Variants in ARMC1 observed in about 807,000 individuals in gnomAD.
The protein encoded by ARMC1 is armadillo repeat containing 1, also known as armadillo repeat-containing protein 1.
A neutral mutation model predicts 31.4 loss-of-function variants in ARMC1; 16 were observed. The observed-to-expected ratio is 0.51, with a 90% CI of 0.34 to 0.77. The LOEUF is 0.77. Among genes scored for constraint, ARMC1 ranks in the 30% least tolerant of loss-of-function variants. The pLI, the probability that ARMC1 is intolerant of heterozygous loss-of-function variation, is 0.01. For missense variants in ARMC1, 259 were observed against 347.5 expected, an observed-to-expected ratio of 0.75 and a Z score of 2.02; for synonymous variants, 114 against 118.9, an observed-to-expected ratio of 0.96 and a Z score of 0.27.
At chr8:65,617,976 C>T (rs1350494138) in intron 3 of ARMC1, among the ~76,000 whole-genome samples, 4 of 151,900 alleles carry the variant, frequency 2.6e-5, no homozygotes, top group Admixed American at 1.3e-4. Flanking sequence ...AGTGCAGTGG[C>T]GCAATCTTGG....
chr8:65,618,019 G>A (rs1482540689), intron 3 of ARMC1, among the ~76,000 whole-genome samples: 1 of 151,938 alleles, frequency 6.6e-6, no homozygotes, highest in Non-Finnish European at 1.5e-5. Flanking sequence ...GGGTTCAAGC[G>A]ATTTTCCTGT....
At chr8:65,625,394 T>C (rs1380046044) in intron 2 of ARMC1, among the ~76,000 whole-genome samples, 2 of 152,184 alleles carry the variant, frequency 1.3e-5, no homozygotes, top group Non-Finnish European at 2.9e-5. Context: ...CGATTCAGTA[T>C]TACCAAACTA....
chr8:65,619,625 T>C (rs1213345189), intron 3 of ARMC1, among the ~76,000 whole-genome samples: 1 of 151,640 alleles, frequency 6.6e-6, no homozygotes, highest in African/African-American at 2.4e-5. Flanking sequence ...GATAGGAGGA[T>C]CACTTGAGTC....
intron 2 of ARMC1, among the ~76,000 whole-genome samples, chr8:65,626,563 T>C (rs1808515504): frequency 6.6e-6 from 1 of 152,086 alleles, no homozygotes. Context: ...GTGAATTATA[T>C]GATGCTGTGT....
intron 3 of ARMC1, among the ~76,000 whole-genome samples, chr8:65,615,459 C>G (rs1808229361): frequency 6.7e-6 from 1 of 149,710 alleles, no homozygotes; most frequent in Non-Finnish European, 1.5e-5. Context: ...AATTCCAACA[C>G]TTTGTGAGGC....
Position 65,603,633 on chromosome 8 carries a change from GAT to G in ARMC1, c.*759_*760del, listed in dbSNP as rs1006711336. Reference sequence around the variant, plus strand: ...ATGATCACATTAACTCTCAAGAATTGATATAAGCCAAAGTGAAAAGAAGTCAA... The same window carrying G: ...ATGATCACATTAACTCTCAAGAATTGATAAGCCAAAGTGAAAAGAAGTCAA... On this transcript the variant is annotated 3_prime_UTR_variant, in exon 7 of 7. Coordinates refer to ENST00000276569, the MANE Select transcript of ARMC1 (RefSeq NM_018120.6). 1.3e-5 allele frequency: 2 copies of G among 152,102 alleles called. No homozygotes were observed. Among genetic ancestry groups the G allele is most frequent in the Non-Finnish European group, 2.9e-5 (2 of 68,012 alleles). The allele number at this position is 152,102 out of a possible 1,614,324, so 9.4% of individuals were successfully genotyped here.
chr8:65,628,391 ATTTTTTT>A (rs763494218), intron 1 of ARMC1, among the ~76,000 whole-genome samples: 1 of 78,810 alleles, frequency 1.3e-5, no homozygotes, highest in Non-Finnish European at 2.4e-5. Context: ...CGCCCGGCTA[ATTTTTTT>A]TTTTTTTTTT....
chr8:65,632,214 G>C (rs1285187516), intron 1 of ARMC1, among the ~76,000 whole-genome samples: 1 of 152,124 alleles, frequency 6.6e-6, no homozygotes, highest in African/African-American at 2.4e-5. Flanking sequence ...CCAGGGGGGT[G>C]GATCTCTTGA....
At chr8:65,632,918 T>C (rs553940056) in intron 1 of ARMC1, 1 of 152,390 alleles carries the variant, frequency 6.6e-6, no homozygotes, top group Non-Finnish European at 1.5e-5. Context: ...TCTTGTTTAG[T>C]TCAACTTGGA....
At chr8:65,610,050 G>A (rs1808097412) in intron 4 of ARMC1, among the ~76,000 whole-genome samples, 1 of 152,068 alleles carries the variant, frequency 6.6e-6, no homozygotes, top group East Asian at 1.9e-4. Flanking sequence ...GATTAACAGG[G>A]ACCAGATTTA....
rs753201719 is a variant in ARMC1 at position 65,603,478 on chromosome 8, T to C, written c.*916A>G. The C allele has an allele frequency of 2.0e-5, 3 of 152,240 alleles. No homozygotes were observed. The highest frequency in any genetic ancestry group is 6.5e-5 in the Admixed American group (1 of 15,278). The allele number at this position is 152,240 out of a possible 1,614,324, so 9.4% of individuals were successfully genotyped here. A position where few individuals can be genotyped will look rare whatever the true frequency, so the allele number is the denominator to read the frequency against. The stretch of plus-strand genomic sequence containing the variant: ...ATACCAAACTGGCATTATGGTATTA[T>C]AGGCATTTGATTTTTGTTTTCTTAT... On this transcript the variant is annotated 3_prime_UTR_variant, in exon 7 of 7. Transcript: ENST00000276569.
chr8:65,617,157 G>A (rs575829826), intron 3 of ARMC1, among the ~76,000 whole-genome samples: 11 of 152,384 alleles, frequency 7.2e-5, no homozygotes, highest in East Asian at 1.9e-4. Flanking sequence ...CCATGATGAC[G>A]ATGGCGGTTT....
At chr8:65,632,085 T>C (rs1450993940) in intron 1 of ARMC1, among the ~76,000 whole-genome samples, 1 of 152,216 alleles carries the variant, frequency 6.6e-6, no homozygotes, top group African/African-American at 2.4e-5. Context: ...TATGCTGCTG[T>C]ATAAATGCAT....
chr8:65,616,895 G>A (rs1182795522), intron 3 of ARMC1, among the ~76,000 whole-genome samples: 713 of 134,430 alleles, frequency 5.3e-3, no homozygotes, highest in African/African-American at 0.02. Context: ...CCCTCCGCCC[G>A]GCAGCCGCCC....
intron 2 of ARMC1, among the ~76,000 whole-genome samples, chr8:65,623,734 C>G (rs201292588): frequency 7.7e-6 from 1 of 129,286 alleles, no homozygotes; most frequent in African/African-American, 2.9e-5. Flanking sequence ...ACAAGAATTA[C>G]GGCAGTTTTC....
intron 4 of ARMC1, among the ~76,000 whole-genome samples, chr8:65,606,372 A>G (rs1242700268): frequency 6.6e-6 from 1 of 151,586 alleles, no homozygotes; most frequent in African/African-American, 2.4e-5. Flanking sequence ...AAAAAAAAAA[A>G]AAAGAAAAGA....
At chr8:65,617,848 AAG>A (rs1471145463) in intron 3 of ARMC1, among the ~76,000 whole-genome samples, 1 of 97,224 alleles carries the variant, frequency 1.0e-5, no homozygotes, top group Non-Finnish European at 2.2e-5. Flanking sequence ...AATTATTAAA[AAG>A]AAAAAAAAAA....
At chr8:65,617,920 G>GT (rs1808307878) in intron 3 of ARMC1, among the ~76,000 whole-genome samples, 1 of 83,488 alleles carries the variant, frequency 1.2e-5, no homozygotes, top group Non-Finnish European at 2.5e-5. Context: ...TTTTTTCGGC[G>GT]GGGGGGGAGG....
chr8:65,618,184 G>T (rs1304406376), intron 3 of ARMC1, among the ~76,000 whole-genome samples: 2 of 151,852 alleles, frequency 1.3e-5, no homozygotes, highest in Non-Finnish European at 2.9e-5. Context: ...AAAATGCTGA[G>T]ATTACCGGCA....
Sources: gnomAD v4.1 joint callset for allele counts (sites outside exome capture counted in the v4.1 genomes callset) on GRCh38, gnomAD v4.1.1 for gene constraint, MANE v1.5 for transcripts, NCBI Gene and HGNC (gene_info 2026-07-23, HGNC 2026-07-21) for gene names.